Variants in KMT2E observed in about 807,000 individuals in gnomAD.
KMT2E encodes lysine methyltransferase 2E (inactive).
KMT2E carries 30 observed loss-of-function variants against 184.6 expected under a neutral mutation model. The ratio of observed to expected loss-of-function variants is 0.16; its 90% CI spans 0.12 to 0.22. The LOEUF (loss-of-function observed/expected upper bound fraction) is 0.22, where lower values mean the gene tolerates loss of function less well. KMT2E is among the 10% of genes least tolerant of loss of function. The pLI is 1.00. For synonymous variants in KMT2E, 815 were observed against 776.5 expected, an observed-to-expected ratio of 1.05 and a Z score of -0.82; for missense variants, 2,023 against 2,237.4, an observed-to-expected ratio of 0.90 and a Z score of 1.93.
In KMT2E at chr7:105,107,526, T is replaced by G; in HGVS notation, c.3069T>G (p.Leu1023=). The change falls in exon 22 of 27, where the codon CTT becomes CTG. Residue 1023 remains leucine (L), a synonymous_variant. Coordinates refer to ENST00000311117, the MANE Select transcript of KMT2E (RefSeq NM_182931.3). Reference sequence around the variant, plus strand: ...GAGAAAAGGAACCTGTGTCAGACCTTCAGCTAGGACTCGATGCAGTTGAGC... The same window carrying G: ...GAGAAAAGGAACCTGTGTCAGACCTGCAGCTAGGACTCGATGCAGTTGAGC... The part of the protein sequence containing the change: ...CPGEKEPVSD[L]QLGLDAVEPT... The G allele has an allele frequency of 5.0e-6, 8 of 1,614,116 alleles. No individual in the cohort carries two copies. Among genetic ancestry groups the G allele is most frequent in the Non-Finnish European group, 6.8e-6 (8 of 1,180,000 alleles).
At chr7:105,049,489 A>G (rs1320878972) in intron 3 of KMT2E, among the ~76,000 whole-genome samples, 5 of 152,218 alleles carry the variant, frequency 3.3e-5, no homozygotes. Context: ...AAATTAGTAA[A>G]TATTTATTGA....
chr7:105,090,406 A>T, intron 14 of KMT2E, 133 bp downstream of exon 14: 1 of 1,029,538 alleles, frequency 9.7e-7, no homozygotes, highest in Non-Finnish European at 1.4e-6. Context: ...TGAAGTATTC[A>T]TAAGTGTAAA....
chr7:105,045,761 A>G (rs1417875203), intron 3 of KMT2E, among the ~76,000 whole-genome samples: 2 of 152,172 alleles, frequency 1.3e-5, no homozygotes, highest in Non-Finnish European at 2.9e-5. Context: ...ACATTGGTAT[A>G]CAGGTATCTG....
At chr7:105,033,591 T>C (rs1198457410) in intron 1 of KMT2E, among the ~76,000 whole-genome samples, 2 of 152,138 alleles carry the variant, frequency 1.3e-5, no homozygotes, top group African/African-American at 4.8e-5. Context: ...CTCCACCTCC[T>C]GGGTTCATGC....
In KMT2E at chr7:105,109,163, AACTAGC is replaced by A. The variant is rs770243793; in HGVS notation, c.3692_3697del (p.Thr1231_Ser1232del). The A allele has an allele frequency of 5.6e-6, 9 of 1,614,168 alleles. No individual in the cohort carries two copies. In the Admixed American group the frequency reaches 1.5e-4, roughly 27 times the overall value. On this transcript the variant is annotated inframe_deletion, in exon 23 of 27. Coordinates refer to ENST00000311117, the MANE Select transcript of KMT2E (RefSeq NM_182931.3). ...CAGTTTATAATGCCACTTCTGAAGA[AACTAGC>A]AATAACTGCCCTGTTAAGGATGCTA...
At chr7:105,052,819 A>T (rs1261788617) in intron 3 of KMT2E, among the ~76,000 whole-genome samples, 6 of 151,882 alleles carry the variant, frequency 4.0e-5, no homozygotes. Context: ...ACCTCAGGTG[A>T]TCTGCCCACC....
intron 7 of KMT2E, among the ~76,000 whole-genome samples, chr7:105,073,966 A>C (rs1388785230): frequency 1.3e-5 from 2 of 152,214 alleles, no homozygotes; most frequent in Admixed American, 6.5e-5. Flanking sequence ...TGGTTTAAAA[A>C]AGTAAAATAT....
chr7:105,087,138 A>G (rs559645036), intron 13 of KMT2E, among the ~76,000 whole-genome samples: 1 of 147,362 alleles, frequency 6.8e-6, no homozygotes, highest in African/African-American at 2.5e-5. Context: ...AATGTATATT[A>G]TATATGCTAG....
At position 105,109,078 on chromosome 7, in the gene KMT2E, G is replaced by A. The variant is rs774075735; in HGVS notation, c.3605G>A (p.Ser1202Asn). 1 of 1,614,206 alleles carries A rather than the reference G, an allele frequency of 6.2e-7. No individual in the cohort carries two copies. ...AACAATGGTGATGGCTGTGCCAGCA[G>A]TAATGACAATGGGGAGCAGGTGGAC... ...LSNNGDGCAS[S>N]NDNGEQVDHT... The change falls in exon 23 of 27, where the codon AGT becomes AAT. Residue 1202 changes from serine (S) to asparagine (N), a missense_variant. Ser to Asn is a conservative substitution (Grantham distance 46). Around this residue, in one of 8 missense-constraint regions of KMT2E, gnomAD observed 1,108 missense variants for 1,050.9 expected, o/e 1.05. Transcript: ENST00000311117.
chr7:105,021,688 G>C lies in KMT2E; in HGVS notation c.-189+7153G>C, dbSNP rs567032492. On this transcript the variant is annotated intron_variant, in intron 1 of 26. Coordinates refer to ENST00000311117, the MANE Select transcript of KMT2E (RefSeq NM_182931.3). ...GTGGGTGTTCATGGTTTGTAGAGTG[G>C]CGTTTCTCAGAGTAAAGCAAGAGAA... Among the ~76,000 whole-genome samples, 5 of 9,594 alleles carry C rather than the reference G, an allele frequency of 5.2e-4. No individual in the cohort carries two copies. The Admixed American group carries it at 7.9e-3, about 15-fold the overall frequency. 6.3% of individuals were successfully genotyped at this position (9,594 alleles called of 152,430 possible).
intron 3 of KMT2E, among the ~76,000 whole-genome samples, chr7:105,043,993 G>A (rs1384016229): frequency 6.6e-6 from 1 of 152,172 alleles, no homozygotes; most frequent in African/African-American, 2.4e-5. Context: ...AGCTACTTGG[G>A]AGGCTGAGGT....
rs1176492784 is a variant in KMT2E at position 105,105,652 on chromosome 7, A to G, written c.2410A>G (p.Arg804Gly). 1.2e-6 allele frequency: 2 copies of G among 1,607,282 alleles called. No homozygotes were observed. Among genetic ancestry groups the G allele is most frequent in the Non-Finnish European group, 1.7e-6 (2 of 1,178,372 alleles). ...ACCATTCCTTTCAGAAAAAAGGAGA[A>G]GAAAAGAACCTACTGAAAACATTTC... ...TSPFLSEKRR[R>G]KEPTENISGS... The change falls in exon 18 of 27, where the codon AGA becomes GGA. Residue 804 changes from arginine to glycine, a missense_variant. Physicochemically the swap from Arg to Gly is moderately radical, Grantham distance 125 (BLOSUM62 -2). This residue lies in a region of KMT2E where 514 missense variants were observed against 621.8 expected (regional missense o/e 0.83). Coordinates refer to ENST00000311117, the MANE Select transcript of KMT2E (RefSeq NM_182931.3).
chr7:105,110,991 T>A, intron 26 of KMT2E, 123 bp downstream of exon 26: 1 of 672,398 alleles, frequency 1.5e-6, no homozygotes, highest in Non-Finnish European at 2.6e-6. Flanking sequence ...TCTGGACACT[T>A]TTCCTGTCAG....
At chr7:105,049,276 C>G (rs1796230029) in intron 3 of KMT2E, among the ~76,000 whole-genome samples, 1 of 151,742 alleles carries the variant, frequency 6.6e-6, no homozygotes, top group South Asian at 2.1e-4. Flanking sequence ...GAAACCCCAT[C>G]TGTACAAAAA....
chr7:105,068,351 G>C (rs1388843820), intron 6 of KMT2E, among the ~76,000 whole-genome samples: 1 of 152,052 alleles, frequency 6.6e-6, no homozygotes, highest in Non-Finnish European at 1.5e-5. Context: ...ATGGAAGCCA[G>C]TGATAGTCCT....
At position 105,110,250 on chromosome 7, in the gene KMT2E, A is replaced by T. The variant is rs769491715; in HGVS notation, c.3756-30A>T. On this transcript the variant is annotated intron_variant, in intron 23 of 26. Transcript: ENST00000311117. ...ATGTAACTAGCAGTAGTTTCTTTCA[A>T]TAGAGGATAATGTGATTTTTCTTTG... The T allele has an allele frequency of 1.9e-6, 3 of 1,569,410 alleles. No individual in the cohort carries two copies. The South Asian group carries it at 3.3e-5, about 17-fold the overall frequency.
At position 105,087,026 on chromosome 7, in the gene KMT2E, TATA is replaced by T. The variant is rs937571683; in HGVS notation, c.1359-2979_1359-2977del. ...TTGTTGGCAAATATATAGCATATAA[TATA>T]ATATATGGCATGTATAATATATATA... On this transcript the variant is annotated intron_variant, in intron 13 of 26. Coordinates refer to ENST00000311117, the MANE Select transcript of KMT2E (RefSeq NM_182931.3). Among the ~76,000 whole-genome samples the T allele has an allele frequency of 1.5e-3, 226 of 147,192 alleles. 1 individual carries two copies. The highest frequency in any genetic ancestry group is 5.2e-3 in the South Asian group (25 of 4,782).
In KMT2E at chr7:105,112,098, G is replaced by A. The variant is rs766718384; in HGVS notation, c.4342G>A (p.Glu1448Lys). Reference protein sequence around the residue: ...KLHCPPSPHLENPPKSSTPHT... With the variant: ...KLHCPPSPHLKNPPKSSTPHT... ...GCACTGTCCTCCATCACCTCACCTA[G>A]AAAATCCTCCAAAGTCATCCACGCC... The change falls in exon 27 of 27, where the codon GAA (glutamate) becomes AAA (lysine). Residue 1448 changes from glutamate to lysine, a missense_variant. Glu to Lys is a moderately conservative substitution (Grantham distance 56, BLOSUM62 1). This residue lies in a region of KMT2E where 1,108 missense variants were observed against 1,050.9 expected (regional missense o/e 1.05). Coordinates refer to ENST00000311117, the MANE Select transcript of KMT2E (RefSeq NM_182931.3). The A allele has an allele frequency of 6.2e-7, 1 of 1,614,068 alleles. No individual in the cohort carries two copies. The highest frequency in any genetic ancestry group is 1.1e-5 in the South Asian group (1 of 91,078).
At chr7:105,086,740 A>G (rs868626293) in intron 13 of KMT2E, among the ~76,000 whole-genome samples, 25 of 145,858 alleles carry the variant, frequency 1.7e-4, no homozygotes, top group Middle Eastern at 7.1e-3. Context: ...ATAAAAAAAT[A>G]TATAAATAAA....
Sources: allele counts gnomAD v4.1 joint callset (sites outside exome capture counted in the v4.1 genomes callset), GRCh38; gene constraint gnomAD v4.1.1; regional missense constraint gnomAD v4.1.1; transcripts MANE v1.5; gene names NCBI Gene and HGNC (gene_info 2026-07-23, HGNC 2026-07-21).